MINPP1: variants seen among roughly 807,000 people sequenced by gnomAD.
The protein encoded by MINPP1 is multiple inositol-polyphosphate phosphatase 1, also known as multiple inositol polyphosphate phosphatase 1.
A neutral mutation model predicts 46.1 loss-of-function variants in MINPP1; 28 were observed. The observed-to-expected ratio is 0.61, with a 90% CI of 0.45 to 0.83. The LOEUF (loss-of-function observed/expected upper bound fraction) is 0.83. Ranked by LOEUF, MINPP1 falls within the 40% of genes least tolerant of loss-of-function variation. MINPP1 has a pLI of 0.00. For missense variants in MINPP1, 603 were observed against 610.0 expected (o/e 0.99, Z 0.12); for synonymous variants, 268 against 249.1 (o/e 1.08, Z -0.72).
intron 4 of MINPP1, among the ~76,000 whole-genome samples, chr10:87,533,883 C>T (rs1564679466): frequency 6.6e-6 from 1 of 152,024 alleles, no homozygotes; most frequent in East Asian, 1.9e-4. Context: ...CCCATTGTAA[C>T]AGGGGAAACT....
At position 87,505,154 on chromosome 10, in the gene MINPP1, C is replaced by T. The variant is rs1338771395; in HGVS notation, c.239C>T (p.Pro80Leu). Residue 80 changes from proline to leucine, a missense_variant, in exon 1 of 5, where the codon CCG becomes CTG. Coordinates refer to ENST00000371996, the MANE Select transcript of MINPP1 (RefSeq NM_004897.5). The surrounding 1 kb of genome is among the most constrained non-coding windows in gnomAD (Gnocchi z 4.4). ...DPELLEGTCT[P>L]VQLVALIRHG... ...GAGCTGCTGGAGGGGACCTGCACCC[C>T]GGTGCAGCTGGTCGCCCTCATTCGC... 4 of 1,610,632 alleles carry T rather than the reference C, an allele frequency of 2.5e-6. No individual in the cohort carries two copies. Among genetic ancestry groups the T allele is most frequent in the Admixed American group, 1.7e-5 (1 of 59,508 alleles).
At chr10:87,507,879 G>T in intron 1 of MINPP1, 1 of 1,098,108 alleles carries the variant, frequency 9.1e-7, no homozygotes, top group Non-Finnish European at 1.1e-6. Context: ...CAGAATCTTT[G>T]TAAAGTAATA....
intron 4 of MINPP1, among the ~76,000 whole-genome samples, chr10:87,530,509 C>T (rs1450790609): frequency 2.0e-5 from 3 of 152,122 alleles, no homozygotes; most frequent in Non-Finnish European, 4.4e-5. Context: ...GTATCACCAG[C>T]GGAGGCTGCA....
Position 87,504,931 on chromosome 10 carries a change from G to A in MINPP1, c.16G>A (p.Gly6Ser). The A allele has an allele frequency of 6.2e-7, 1 of 1,610,934 alleles. No individual in the cohort carries two copies. Among genetic ancestry groups the A allele is most frequent in the Admixed American group, 1.7e-5 (1 of 59,904 alleles). Residue 6 changes from glycine to serine, a missense_variant, in exon 1 of 5, where the codon GGC becomes AGC. Physicochemically the swap from Gly to Ser is moderately conservative, Grantham distance 56. Around this residue, in one of 3 missense-constraint regions of MINPP1, gnomAD observed 239 missense variants for 189.4 expected, o/e 1.26. Transcript: ENST00000371996. ...CGTCCCGACGATGCTACGCGCGCCC[G>A]GCTGCCTCCTCCGGACCTCCGTAGC... MLRAP[G>S]CLLRTSVAPA...
At chr10:87,512,565 C>A (rs1328890039) in intron 2 of MINPP1, among the ~76,000 whole-genome samples, 3 of 152,130 alleles carry the variant, frequency 2.0e-5, no homozygotes, top group Non-Finnish European at 4.4e-5. Flanking sequence ...AATAAATGTA[C>A]TTTGTTATTT....
In MINPP1 at chr10:87,531,796, A is replaced by G. The variant is rs150789096; in HGVS notation, c.1067+10627A>G. Among the ~76,000 whole-genome samples, 68 of 152,330 alleles carry G rather than the reference A, an allele frequency of 4.5e-4. 1 individual carries two copies. In the East Asian group the frequency reaches 0.013, roughly 28 times the overall value. On this transcript the variant is annotated intron_variant, in intron 4 of 4. Transcript: ENST00000371996. ...TTCATGCTATGTATGTAAGGTGTAT[A>G]TGGAACATAAATGAATTTCATGTCT...
chr10:87,540,422 CTA>C (rs1367988381), intron 4 of MINPP1, among the ~76,000 whole-genome samples: 2 of 151,986 alleles, frequency 1.3e-5, no homozygotes, highest in South Asian at 2.1e-4. Context: ...ACCTACATGC[CTA>C]TGTTTCTCTC....
intron 4 of MINPP1, among the ~76,000 whole-genome samples, chr10:87,534,742 A>T (rs569545315): frequency 7.9e-4 from 121 of 152,348 alleles, no homozygotes; most frequent in African/African-American, 2.7e-3. Context: ...ACTTTTTAAT[A>T]ACTGTTAAAT....
At chr10:87,513,592 G>C (rs572196406) in intron 3 of MINPP1, among the ~76,000 whole-genome samples, 1 of 152,254 alleles carries the variant, frequency 6.6e-6, no homozygotes, top group Non-Finnish European at 1.5e-5. Flanking sequence ...GAGAATAAAT[G>C]GGTTTCCAAA....
In MINPP1 at chr10:87,505,200, G is replaced by A. The variant is rs1374091019; in HGVS notation, c.285G>A (p.Thr95=). 1 of 1,610,196 alleles carries A rather than the reference G, an allele frequency of 6.2e-7. No homozygotes were observed. Among genetic ancestry groups the A allele is most frequent in the Non-Finnish European group, 8.5e-7 (1 of 1,178,348 alleles). Reference sequence around the variant, plus strand: ...TTCGCCACGGCACCCGCTACCCCACGGTCAAACAGATCCGCAAGCTGAGGC... The same window carrying A: ...TTCGCCACGGCACCCGCTACCCCACAGTCAAACAGATCCGCAAGCTGAGGC... ...ALIRHGTRYP[T]VKQIRKLRQL... Residue 95 remains threonine (T), a synonymous_variant, in exon 1 of 5, where the codon ACG becomes ACA. Coordinates refer to ENST00000371996, the MANE Select transcript of MINPP1 (RefSeq NM_004897.5). The surrounding 1 kb of genome is among the most constrained non-coding windows in gnomAD (Gnocchi z 4.4).
chr10:87,529,843 G>A (rs112673226), intron 4 of MINPP1, among the ~76,000 whole-genome samples: 8 of 152,272 alleles, frequency 5.3e-5, no homozygotes, highest in African/African-American at 1.4e-4. Context: ...AGGTACACCA[G>A]TCAGACGTAG....
chr10:87,511,244 A>G (rs535996800), intron 2 of MINPP1, among the ~76,000 whole-genome samples: 8 of 152,116 alleles, frequency 5.3e-5, no homozygotes, highest in Middle Eastern at 3.4e-3. Context: ...TAATATTTTA[A>G]TTTCTTGCTT....
chr10:87,519,509 T>C (rs1030668264), intron 3 of MINPP1, among the ~76,000 whole-genome samples: 3 of 152,232 alleles, frequency 2.0e-5, no homozygotes, highest in Non-Finnish European at 2.9e-5. Flanking sequence ...TCATCCTTTT[T>C]CCCTCAGCTG....
intron 3 of MINPP1, among the ~76,000 whole-genome samples, chr10:87,520,047 T>C (rs1851476145): frequency 1.3e-5 from 2 of 150,414 alleles, no homozygotes; most frequent in African/African-American, 4.9e-5. Context: ...CTTAGAAATA[T>C]AAAAGGTATA....
chr10:87,505,074 C>T lies in MINPP1; in HGVS notation c.159C>T (p.Tyr53=), dbSNP rs900202992. The T allele has an allele frequency of 9.3e-6, 15 of 1,613,512 alleles. No homozygotes were observed. The highest frequency in any genetic ancestry group is 2.7e-5 in the African/African-American group (2 of 74,938). ...CCTATTTCGGCACCAAGACTCGCTA[C>T]GAGGATGTCAACCCCGTGCTATTGT... is the stretch of plus-strand genomic sequence containing the variant. ...LSPYFGTKTR[Y]EDVNPVLLSG... Residue 53 remains tyrosine (Y), a synonymous_variant, in exon 1 of 5, where the codon TAC becomes TAT. Transcript: ENST00000371996. This position sits in a 1 kb window ranked among gnomAD's most constrained non-coding sequence, Gnocchi z 4.4.
chr10:87,537,938 C>T (rs957676799), intron 4 of MINPP1, among the ~76,000 whole-genome samples: 15 of 151,452 alleles, frequency 9.9e-5, no homozygotes, highest in Admixed American at 2.0e-4. Flanking sequence ...CCTGGCTAAT[C>T]CTTAAAAAAT....
intron 3 of MINPP1, among the ~76,000 whole-genome samples, chr10:87,513,984 C>G (rs554438425): frequency 9.3e-4 from 142 of 152,198 alleles, no homozygotes; most frequent in African/African-American, 3.3e-3. Context: ...AGACTTCTGA[C>G]GGGTACATCT....
chr10:87,552,167 A>C lies in MINPP1; in HGVS notation c.1153A>C (p.Lys385Gln). 1 of 1,613,756 alleles carries C rather than the reference A, an allele frequency of 6.2e-7. No individual in the cohort carries two copies. Among genetic ancestry groups the C allele is most frequent in the Non-Finnish European group, 8.5e-7 (1 of 1,179,800 alleles). The change falls in exon 5 of 5, where the codon AAA becomes CAA. Residue 385 changes from lysine (K) to glutamine (Q), a missense_variant. Lys to Gln is a moderately conservative substitution (Grantham distance 53). Transcript: ENST00000371996. ...LPLLSLMGYFKDKEPLTAYNY... is the reference protein window; with the variant it reads ...LPLLSLMGYFQDKEPLTAYNY... ...ACTGCTTTCTCTCATGGGCTACTTC[A>C]AAGACAAGGAACCCCTAACAGCGTA...
chr10:87,505,379 G>C lies in MINPP1; in HGVS notation c.464G>C (p.Arg155Pro). The change falls in exon 1 of 5, where the codon CGA (arginine) becomes CCA (proline). Residue 155 changes from arginine to proline, a missense_variant. Transcript: ENST00000371996. This position sits in a 1 kb window ranked among gnomAD's most constrained non-coding sequence, Gnocchi z 4.4. ...QLVEKGRQDMRQLALRLASLF... is the reference protein window; with the variant it reads ...QLVEKGRQDMPQLALRLASLF... ...GTAGAGAAGGGACGGCAGGATATGCGACAGCTGGCGCTGCGTCTGGCCTCG... is the reference window on the plus strand; with the variant it reads ...GTAGAGAAGGGACGGCAGGATATGCCACAGCTGGCGCTGCGTCTGGCCTCG... 6.2e-7 allele frequency: 1 copy of C among 1,613,964 alleles called. No individual in the cohort carries two copies. Among genetic ancestry groups the C allele is most frequent in the East Asian group, 2.2e-5 (1 of 44,876 alleles).
Sources: gnomAD v4.1 joint callset for allele counts (sites outside exome capture counted in the v4.1 genomes callset) on GRCh38, gnomAD v4.1.1 for gene constraint, gnomAD v4.1.1 regional missense constraint, Gnocchi (gnomAD v3.1) non-coding constraint, MANE v1.5 for transcripts, NCBI Gene and HGNC (gene_info 2026-07-23, HGNC 2026-07-21) for gene names.